DCAF10: variants seen among roughly 807,000 people sequenced by gnomAD.
DCAF10 encodes the protein DDB1 and CUL4 associated factor 10, also known as DDB1- and CUL4-associated factor 10.
DCAF10 carries 19 observed loss-of-function variants against 51.9 expected under a neutral mutation model. That is an observed-to-expected ratio of 0.37 (90% CI 0.26 to 0.54). The LOEUF (loss-of-function observed/expected upper bound fraction) is 0.54, where lower values mean the gene tolerates loss of function less well. DCAF10 is among the 20% of genes least tolerant of loss of function. The pLI, the probability that DCAF10 is intolerant of heterozygous loss-of-function variation, is 0.87. For missense variants in DCAF10, 510 were observed against 730.6 expected, an observed-to-expected ratio of 0.70 and a Z score of 3.48; for synonymous variants, 291 against 297.1, an observed-to-expected ratio of 0.98 and a Z score of 0.21.
chr9:37,815,823 G>T (rs1174136726), intron 1 of DCAF10, among the ~76,000 whole-genome samples: 12 of 151,940 alleles, frequency 7.9e-5, no homozygotes, highest in Admixed American at 7.9e-4. Context: ...TTTGAGACAG[G>T]GTCTTGGTCA....
chr9:37,857,229 T>A lies in DCAF10; in HGVS notation c.1055-12T>A. On this transcript the variant is annotated splice_polypyrimidine_tract_variant and intron_variant, in intron 4 of 6. Transcript: ENST00000377724. Reference sequence around the variant, plus strand: ...TGCTAGGTTTATTGTCAGAATTTTTTATATTTTTAAGATTTGACCACTTCA... The same window carrying A: ...TGCTAGGTTTATTGTCAGAATTTTTAATATTTTTAAGATTTGACCACTTCA... 1 of 1,569,320 alleles carries A rather than the reference T, an allele frequency of 6.4e-7. No individual in the cohort carries two copies. The highest frequency in any genetic ancestry group is 8.6e-7 in the Non-Finnish European group (1 of 1,161,476).
At chr9:37,841,433 A>G (rs1830333881) in intron 2 of DCAF10, among the ~76,000 whole-genome samples, 2 of 152,368 alleles carry the variant, frequency 1.3e-5, no homozygotes, top group South Asian at 4.1e-4. Flanking sequence ...TGTATTAAAT[A>G]TATTCTCACT....
At chr9:37,846,175 G>A (rs978303224) in intron 3 of DCAF10, among the ~76,000 whole-genome samples, 1 of 151,978 alleles carries the variant, frequency 6.6e-6, no homozygotes, top group East Asian at 1.9e-4. Flanking sequence ...GCTTACTCAA[G>A]GAATGAAAAG....
In DCAF10 at chr9:37,860,062, A is replaced by C; in HGVS notation, c.1180A>C (p.Asn394His). ...ASQREGVSPR[N>H]SLEVVTPEVL... ...TTATATCTCAGGAGTTTCACCACGA[A>C]ATAGTCTTGAAGTCGTAACCCCTGA... Residue 394 changes from asparagine to histidine, a missense_variant, in exon 6 of 7, where the codon AAT becomes CAT. Physicochemically the swap from Asn to His is moderately conservative, Grantham distance 68. Transcript: ENST00000377724. 6.2e-7 allele frequency: 1 copy of C among 1,614,046 alleles called. No homozygotes were observed.
chr9:37,823,358 G>A (rs1191557693), intron 2 of DCAF10, among the ~76,000 whole-genome samples: 1 of 152,118 alleles, frequency 6.6e-6, no homozygotes, highest in East Asian at 1.9e-4. Context: ...GAAAATCTTA[G>A]AAGCCACCAA....
At chr9:37,833,355 A>C (rs1415038822) in intron 2 of DCAF10, among the ~76,000 whole-genome samples, 1 of 152,244 alleles carries the variant, frequency 6.6e-6, no homozygotes, top group Admixed American at 6.5e-5. Flanking sequence ...TTGGAAGTCA[A>C]AATAAATTTA....
chr9:37,819,178 C>CAA (rs11330143), intron 1 of DCAF10, 110 bp from the exon 2 acceptor site: 33 of 641,976 alleles, frequency 5.1e-5, no homozygotes, highest in Middle Eastern at 3.1e-4. Flanking sequence ...CTAACATGGG[C>CAA]AAAAAAAAAA....
chr9:37,823,036 CT>C (rs1829752423), intron 2 of DCAF10, among the ~76,000 whole-genome samples: 1 of 151,984 alleles, frequency 6.6e-6, no homozygotes, highest in African/African-American at 2.4e-5. Flanking sequence ...TAAACTTTAC[CT>C]TTTACACTAT....
Position 37,801,400 on chromosome 9 carries a change from C to T in DCAF10, c.534C>T (p.Pro178=), listed in dbSNP as rs374346144. The T allele has an allele frequency of 1.3e-5, 19 of 1,496,672 alleles. No individual in the cohort carries two copies. The African/African-American group carries it at 2.8e-4, about 22-fold the overall frequency. 92.7% of individuals were successfully genotyped at this position (1,496,672 alleles called of 1,614,324 possible). A position where few individuals can be genotyped will look rare whatever the true frequency, so the allele number is the denominator to read the frequency against. ...HGAVFNLEYS[P]DGSVLTVACE... ...CCGTCTTCAACCTCGAGTACTCGCC[C>T]GACGGGTAAGCGCGGCCCCTCGGAG... The change falls in exon 1 of 7, where the codon CCC becomes CCT. Residue 178 remains proline (P), a synonymous_variant. Coordinates refer to ENST00000377724, the MANE Select transcript of DCAF10 (RefSeq NM_024345.5). This position sits in a 1 kb window ranked among gnomAD's most constrained non-coding sequence, Gnocchi z 5.5.
At chr9:37,805,647 A>G (rs537039548) in intron 1 of DCAF10, among the ~76,000 whole-genome samples, 1 of 152,322 alleles carries the variant, frequency 6.6e-6, no homozygotes, top group South Asian at 2.1e-4. Context: ...AAAAGTACAG[A>G]ATGAGAAAAA....
At chr9:37,843,775 T>C (rs1830400096) in intron 3 of DCAF10, among the ~76,000 whole-genome samples, 3 of 152,196 alleles carry the variant, frequency 2.0e-5, no homozygotes, top group Admixed American at 1.3e-4. Flanking sequence ...ATAAAACTAG[T>C]AGGCAGATAA....
chr9:37,861,320 T>C lies in DCAF10; in HGVS notation c.1492T>C (p.Leu498=), dbSNP rs201769665. Residue 498 remains leucine (L), a synonymous_variant, in exon 7 of 7, where the codon TTG becomes CTG. Coordinates refer to ENST00000377724, the MANE Select transcript of DCAF10 (RefSeq NM_024345.5). This position sits in a 1 kb window ranked among gnomAD's most constrained non-coding sequence, Gnocchi z 4.9. ...SSPHGYGIRL[L]GFDKQCSELV... is the part of the protein sequence containing the mutation. ...CCCACATGGCTATGGGATTCGCTTGTTGGGATTTGACAAACAGTGCAGTGA... is the reference window on the plus strand; with the variant it reads ...CCCACATGGCTATGGGATTCGCTTGCTGGGATTTGACAAACAGTGCAGTGA... 2 of 1,614,214 alleles carry C rather than the reference T, an allele frequency of 1.2e-6. No homozygotes were observed. Among genetic ancestry groups the C allele is most frequent in the Non-Finnish European group, 8.5e-7 (1 of 1,180,038 alleles).
chr9:37,816,659 G>GGGGGTGTGTGTGTGTGTGT (rs372664140), intron 1 of DCAF10, among the ~76,000 whole-genome samples: 19 of 144,890 alleles, frequency 1.3e-4, no homozygotes, highest in African/African-American at 3.3e-4. Context: ...CTGCACCTGG[G>GGGGGTGTGTGTGTGTGTGT]GTGTGTGTGT....
At chr9:37,860,363 A>T in intron 6 of DCAF10, 170 bp downstream of exon 6, 1 of 820,430 alleles carries the variant, frequency 1.2e-6, no homozygotes, top group Non-Finnish European at 1.8e-6. Context: ...TTCATATGGT[A>T]TCATTATCCC....
intron 1 of DCAF10, among the ~76,000 whole-genome samples, chr9:37,816,659 G>GGGGGGGGGGTGTGTGTGTGTGTGTGTGT (rs372664140): frequency 6.9e-6 from 1 of 144,890 alleles, no homozygotes; most frequent in Admixed American, 7.0e-5. Context: ...CTGCACCTGG[G>GGGGGGGGGGTGTGTGTGTGTGTGTGTGT]GTGTGTGTGT....
At chr9:37,820,701 G>A (rs1180318154) in intron 2 of DCAF10, among the ~76,000 whole-genome samples, 1 of 152,066 alleles carries the variant, frequency 6.6e-6, no homozygotes, top group African/African-American at 2.4e-5. Context: ...GGCCAAGTGG[G>A]AGCAACTCTG....
At position 37,842,185 on chromosome 9, in the gene DCAF10, T is replaced by C. The variant is rs1471296548; in HGVS notation, c.750T>C (p.His250=). 21 of 1,613,878 alleles carry C rather than the reference T, an allele frequency of 1.3e-5. No homozygotes were observed. The highest frequency in any genetic ancestry group is 1.7e-5 in the Non-Finnish European group (20 of 1,179,926). ...RKLNTKVCTL[H]GHTSWVKNIE... is the part of the protein sequence containing the mutation. ...TGAACACCAAAGTATGCACTTTACA[T>C]GGTCACACTAGCTGGGTGAAGAACA... The change falls in exon 3 of 7, where the codon CAT becomes CAC. Residue 250 remains histidine, a synonymous_variant. Coordinates refer to ENST00000377724, the MANE Select transcript of DCAF10 (RefSeq NM_024345.5).
chr9:37,812,466 C>T (rs189319263), intron 1 of DCAF10, among the ~76,000 whole-genome samples: 1 of 151,978 alleles, frequency 6.6e-6, no homozygotes, highest in East Asian at 1.9e-4. Context: ...AGTCAAGAGA[C>T]AAAGATATTT....
At chr9:37,822,756 G>A (rs1354922628) in intron 2 of DCAF10, among the ~76,000 whole-genome samples, 2 of 152,028 alleles carry the variant, frequency 1.3e-5, no homozygotes, top group African/African-American at 4.8e-5. Flanking sequence ...ACTTACTCAT[G>A]TAACCGAATA....
Sources: allele counts gnomAD v4.1 joint callset (sites outside exome capture counted in the v4.1 genomes callset), GRCh38; gene constraint gnomAD v4.1.1; non-coding constraint Gnocchi (gnomAD v3.1); transcripts MANE v1.5; gene names NCBI Gene and HGNC (gene_info 2026-07-23, HGNC 2026-07-21).